The following SMCHD1 variants were observed in gnomAD, a reference collection of about 807,000 sequenced individuals.
The protein encoded by SMCHD1 is structural maintenance of chromosomes flexible hinge domain-containing protein 1.
SMCHD1 carries 78 observed loss-of-function variants against 254.7 expected under a neutral mutation model. That is an observed-to-expected ratio of 0.31 (90% CI 0.26 to 0.37). The LOEUF (loss-of-function observed/expected upper bound fraction) is 0.37, where lower values mean the gene tolerates loss of function less well. Among genes scored for constraint, SMCHD1 ranks in the 10% least tolerant of loss-of-function variants. The pLI, the probability that SMCHD1 is intolerant of heterozygous loss-of-function variation, is 1.00. For missense variants in SMCHD1, 1,840 were observed against 2,408.1 expected (o/e 0.76, Z 4.94); for synonymous variants, 766 against 794.9 (o/e 0.96, Z 0.61).
chr18:2,762,347 T>C (rs1308093870), intron 36 of SMCHD1, 111 bp downstream of exon 36: 3 of 946,906 alleles, frequency 3.2e-6, no homozygotes, highest in African/African-American at 3.3e-5. Flanking sequence ...ATTAAGGTTA[T>C]AGGGAAAACT....
intron 39 of SMCHD1, among the ~76,000 whole-genome samples, chr18:2,771,031 G>C (rs2075974936): frequency 6.6e-6 from 1 of 152,082 alleles, no homozygotes; most frequent in African/African-American, 2.4e-5. Context: ...TTTTTGCTAA[G>C]GTTTTTGGCC....
At chr18:2,757,463 C>T (rs1479000165) in intron 34 of SMCHD1, among the ~76,000 whole-genome samples, 1 of 152,132 alleles carries the variant, frequency 6.6e-6, no homozygotes, top group Non-Finnish European at 1.5e-5. Flanking sequence ...AGTCCTCTCA[C>T]TGCAGCTTCC....
At chr18:2,748,162 T>C (rs1334720816) in intron 30 of SMCHD1, among the ~76,000 whole-genome samples, 9 of 152,096 alleles carry the variant, frequency 5.9e-5, no homozygotes, top group African/African-American at 2.2e-4. Flanking sequence ...GTTCTTTTTA[T>C]GGGGCAAGTA....
intron 37 of SMCHD1, among the ~76,000 whole-genome samples, chr18:2,767,925 AG>A: frequency 6.6e-6 from 1 of 152,232 alleles, no homozygotes; most frequent in African/African-American, 2.4e-5. Context: ...AAACCTGTAC[AG>A]TATGTGACTG....
intron 12 of SMCHD1, among the ~76,000 whole-genome samples, chr18:2,702,460 T>C (rs1375817379): frequency 6.6e-6 from 1 of 152,170 alleles, no homozygotes; most frequent in Non-Finnish European, 1.5e-5. Context: ...ATTTGGTAAT[T>C]TGTTTGGTTG....
At chr18:2,711,221 C>T (rs1333629349) in intron 17 of SMCHD1, among the ~76,000 whole-genome samples, 4 of 151,736 alleles carry the variant, frequency 2.6e-5, no homozygotes, top group Non-Finnish European at 4.4e-5. Flanking sequence ...GTAGCCTCAC[C>T]TCCTTATGCA....
chr18:2,740,911 G>C, intron 28 of SMCHD1, 90 bp downstream of exon 28: 2 of 716,492 alleles, frequency 2.8e-6, no homozygotes, highest in East Asian at 2.7e-5. Context: ...TAAGAAAAAA[G>C]TTTGATTTTA....
In SMCHD1 at chr18:2,796,025, C is replaced by T. The variant is rs1332474764; in HGVS notation, c.5796C>T (p.Tyr1932=). 1.3e-6 allele frequency: 2 copies of T among 1,593,272 alleles called. No individual in the cohort carries two copies. The highest frequency in any genetic ancestry group is 1.7e-6 in the Non-Finnish European group (2 of 1,169,370). Residue 1932 remains tyrosine, a synonymous_variant, in exon 46 of 48, where the codon TAC becomes TAT. Coordinates refer to ENST00000320876, the MANE Select transcript of SMCHD1 (RefSeq NM_015295.3). The stretch of plus-strand genomic sequence containing the variant: ...AGGATCTTAACAGTCAATTAGAGTA[C>T]CTTCGCACTCCGGATATGAGGAAGA... ...VNKDLNSQLE[Y]LRTPDMRKKK...
intron 42 of SMCHD1, 29 bp downstream of exon 42, chr18:2,775,953 T>C (rs1428634786): frequency 6.6e-7 from 1 of 1,511,922 alleles, no homozygotes; most frequent in South Asian, 1.3e-5. Context: ...TAATTTTTTT[T>C]CTGAAATATA....
Position 2,802,560 on chromosome 18 carries a change from CAGAG to C in SMCHD1, c.*12_*15del. The C allele has an allele frequency of 1.3e-6, 2 of 1,551,858 alleles. No homozygotes were observed. Among genetic ancestry groups the C allele is most frequent in the Non-Finnish European group, 1.7e-6 (2 of 1,147,160 alleles). ...ACCAAAACAGATGTATGAGAGGTGA[CAGAG>C]AGAAGAGGCCATTGGTCTCAGTAAG... On this transcript the variant is annotated 3_prime_UTR_variant, in exon 48 of 48. Coordinates refer to ENST00000320876, the MANE Select transcript of SMCHD1 (RefSeq NM_015295.3).
At chr18:2,681,412 C>CAAAA (rs11448086) in intron 5 of SMCHD1, among the ~76,000 whole-genome samples, 31 of 103,954 alleles carry the variant, frequency 3.0e-4, no homozygotes, top group African/African-American at 1.1e-3. Context: ...GACCCCATCT[C>CAAAA]AAAAAAAAAA....
intron 1 of SMCHD1, among the ~76,000 whole-genome samples, chr18:2,658,948 A>T (rs1367411001): frequency 6.6e-6 from 1 of 151,554 alleles, no homozygotes; most frequent in South Asian, 2.1e-4. Flanking sequence ...ATATATATAC[A>T]CACACATATA....
At chr18:2,738,888 A>ATT (rs949400381) in intron 26 of SMCHD1, among the ~76,000 whole-genome samples, 12 of 152,252 alleles carry the variant, frequency 7.9e-5, no homozygotes, top group African/African-American at 2.9e-4. Flanking sequence ...CTTAGTGAGA[A>ATT]TTTTTAAAGC....
chr18:2,734,058 A>G (rs2075199024), intron 25 of SMCHD1, among the ~76,000 whole-genome samples: 1 of 152,194 alleles, frequency 6.6e-6, no homozygotes, highest in African/African-American at 2.4e-5. Flanking sequence ...CAAAAGGATT[A>G]TTTAGCCACG....
intron 24 of SMCHD1, among the ~76,000 whole-genome samples, chr18:2,731,740 A>G (rs926600952): frequency 1.3e-5 from 2 of 152,212 alleles, no homozygotes; most frequent in African/African-American, 2.4e-5. Flanking sequence ...GACCGGGCGC[A>G]GTGGCTGATG....
intron 8 of SMCHD1, among the ~76,000 whole-genome samples, chr18:2,696,347 A>C (rs567970091): frequency 2.0e-5 from 3 of 152,160 alleles, no homozygotes; most frequent in African/African-American, 7.2e-5. Context: ...CCGAGTGAGC[A>C]TTACCACCTG....
At chr18:2,708,907 T>TATATATATATATGTATATAA (rs769432583) in intron 17 of SMCHD1, among the ~76,000 whole-genome samples, 2 of 44,702 alleles carry the variant, frequency 4.5e-5, no homozygotes, top group Admixed American at 3.0e-4. Context: ...TATATATATA[T>TATATATATATATGTATATAA]AACATATTAA....
intron 1 of SMCHD1, among the ~76,000 whole-genome samples, chr18:2,661,617 T>TA (rs879875788): frequency 6.6e-6 from 1 of 152,222 alleles, no homozygotes; most frequent in Admixed American, 6.5e-5. Context: ...TAATATGGGT[T>TA]AAAAATCAAA....
intron 44 of SMCHD1, among the ~76,000 whole-genome samples, chr18:2,780,379 CTAA>C (rs1223440155): frequency 6.6e-6 from 1 of 151,578 alleles, no homozygotes; most frequent in Admixed American, 6.6e-5. Flanking sequence ...CCTTGTAAAC[CTAA>C]TATTAAGTAT....
Sources: gnomAD v4.1 joint callset for allele counts (sites outside exome capture counted in the v4.1 genomes callset) on GRCh38, gnomAD v4.1.1 for gene constraint, MANE v1.5 for transcripts, NCBI Gene and HGNC (gene_info 2026-07-23, HGNC 2026-07-21) for gene names.